PAPPA: variants seen among roughly 807,000 people sequenced by gnomAD.
PAPPA encodes pappalysin 1.
PAPPA carries 60 observed loss-of-function variants against 164.0 expected under a neutral mutation model. That is an observed-to-expected ratio of 0.37 (90% CI 0.30 to 0.45). PAPPA has a LOEUF of 0.45. PAPPA is among the 20% of genes least tolerant of loss of function. PAPPA has a pLI of 1.00. For synonymous variants in PAPPA, 875 were observed against 814.1 expected (o/e 1.07, Z -1.27); for missense variants, 1,782 against 2,087.3 (o/e 0.85, Z 2.85).
At chr9:116,193,505 G>A (rs1260472061) in intron 2 of PAPPA, among the ~76,000 whole-genome samples, 2 of 152,148 alleles carry the variant, frequency 1.3e-5, no homozygotes, top group Non-Finnish European at 2.9e-5. Flanking sequence ...AAGCCCTCAA[G>A]GAGGGGCAGA....
intron 2 of PAPPA, among the ~76,000 whole-genome samples, chr9:116,194,569 C>T (rs80036596): frequency 7.0e-4 from 107 of 152,276 alleles, no homozygotes; most frequent in African/African-American, 1.7e-3. Context: ...ATCTTGGCTC[C>T]GCTCTGCACT....
rs1845395484 is a variant in PAPPA, at chr9:116,289,256, AGCATATATAT to A, written c.2954-13500_2954-13491del. On this transcript the variant is annotated intron_variant, in intron 9 of 21. Coordinates refer to ENST00000328252, the MANE Select transcript of PAPPA (RefSeq NM_002581.5). ...TAGCATATATATATAGCATATATGT[AGCATATATAT>A]ATAGCATATATATAGCATATAAATA... Among the ~76,000 whole-genome samples the A allele has an allele frequency of 4.3e-3, 404 of 94,546 alleles. 6 individuals are homozygous for A. Among genetic ancestry groups the A allele is most frequent in the African/African-American group, 0.015 (382 of 25,458 alleles). 62.0% of individuals were successfully genotyped at this position (94,546 alleles called of 152,430 possible). A position where few individuals can be genotyped will look rare whatever the true frequency, so the allele number is the denominator to read the frequency against.
intron 7 of PAPPA, among the ~76,000 whole-genome samples, chr9:116,259,290 TAC>T (rs1844973329): frequency 6.6e-6 from 1 of 151,758 alleles, no homozygotes; most frequent in African/African-American, 2.4e-5. Flanking sequence ...TTCAACAACA[TAC>T]GAAAAACACA....
chr9:116,285,137 TTTTTCTTTCTTTTTCTTTTTC>T (rs1845317211), intron 9 of PAPPA, among the ~76,000 whole-genome samples: 1 of 150,134 alleles, frequency 6.7e-6, no homozygotes. Flanking sequence ...TTCTTTTTCT[TTTTTCTTTCTTTTTCTTTTTC>T]TTTTCTTTCT....
intron 10 of PAPPA, among the ~76,000 whole-genome samples, chr9:116,320,216 G>A (rs1845836881): frequency 1.3e-5 from 2 of 152,076 alleles, no homozygotes; most frequent in Non-Finnish European, 2.9e-5. Flanking sequence ...TCTGGCCAGG[G>A]GTTTGCACCC....
chr9:116,292,497 GA>G (rs1275208441), intron 9 of PAPPA, among the ~76,000 whole-genome samples: 1 of 152,158 alleles, frequency 6.6e-6, no homozygotes. Context: ...AGGGTGAGCT[GA>G]AAAAAAGTAG....
rs1205710447 is a variant in PAPPA, at chr9:116,265,894, A to G, written c.2770A>G (p.Ile924Val). 1.2e-6 allele frequency: 2 copies of G among 1,611,476 alleles called. No individual in the cohort carries two copies. Among genetic ancestry groups the G allele is most frequent in the Admixed American group, 1.7e-5 (1 of 60,010 alleles). The change falls in exon 8 of 22, where the codon ATA (isoleucine) becomes GTA (valine). Residue 924 changes from isoleucine to valine, a missense_variant. Physicochemically the swap from Ile to Val is conservative, Grantham distance 29. Around this residue, in one of 2 missense-constraint regions of PAPPA, gnomAD observed 1,324 missense variants for 1,656.9 expected, o/e 0.80. Transcript: ENST00000328252. ...NLGSVYQYWV[I>V]TISGTEESEP... Reference sequence around the variant, plus strand: ...TGGCAGTGTGTACCAGTATTGGGTCATAACTATTTCAGGAACTGAAGAGAG... The same window carrying G: ...TGGCAGTGTGTACCAGTATTGGGTCGTAACTATTTCAGGAACTGAAGAGAG...
chr9:116,396,411 T>C (rs1846963608), intron 21 of PAPPA, 98 bp from the exon 22 acceptor site: 1 of 745,176 alleles, frequency 1.3e-6, no homozygotes, highest in Non-Finnish European at 2.5e-6. Flanking sequence ...TTGAACCTTC[T>C]GCTCCTCAAA....
chr9:116,355,781 T>C (rs1846345724), intron 17 of PAPPA, among the ~76,000 whole-genome samples: 1 of 152,244 alleles, frequency 6.6e-6, no homozygotes, highest in Admixed American at 6.5e-5. Context: ...CAAGCAGCTC[T>C]GTTTGGCAAC....
In PAPPA at chr9:116,227,620, G is replaced by C. The variant is rs565183159; in HGVS notation, c.2233+68G>C. On this transcript the variant is annotated intron_variant, in intron 6 of 21. Coordinates refer to ENST00000328252, the MANE Select transcript of PAPPA (RefSeq NM_002581.5). Reference sequence around the variant, plus strand: ...AAAGAACAGCTCTTTCAATGTATATGGGGTTTTATTATTTTTATGGGTCTT... The same window carrying C: ...AAAGAACAGCTCTTTCAATGTATATCGGGTTTTATTATTTTTATGGGTCTT... 1,639 of 1,531,248 alleles carry C rather than the reference G, an allele frequency of 1.1e-3. 5 individuals carry two copies. The highest frequency in any genetic ancestry group is 1.3e-3 in the Admixed American group (63 of 49,362). 94.9% of individuals were successfully genotyped at this position (1,531,248 alleles called of 1,614,324 possible). A position where few individuals can be genotyped will look rare whatever the true frequency, so the allele number is the denominator to read the frequency against.
chr9:116,323,919 A>C (rs974274113), intron 10 of PAPPA, among the ~76,000 whole-genome samples: 2 of 152,154 alleles, frequency 1.3e-5, no homozygotes, highest in Non-Finnish European at 2.9e-5. Flanking sequence ...TGAGCAATTG[A>C]GTCAGTTCTA....
chr9:116,334,730 C>T (rs960755849), intron 12 of PAPPA, 131 bp from the exon 13 acceptor site: 12 of 641,436 alleles, frequency 1.9e-5, no homozygotes, highest in East Asian at 5.5e-5. Context: ...AAATCCTCAC[C>T]GGCCGCCCAA....
intron 1 of PAPPA, among the ~76,000 whole-genome samples, chr9:116,156,602 G>A (rs1843608219): frequency 6.6e-6 from 1 of 151,952 alleles, no homozygotes; most frequent in East Asian, 1.9e-4. Flanking sequence ...AAATAAATAA[G>A]CACTGCTGTC....
intron 9 of PAPPA, among the ~76,000 whole-genome samples, chr9:116,295,053 C>A (rs536553957): frequency 2.0e-5 from 3 of 152,264 alleles, no homozygotes; most frequent in Admixed American, 6.5e-5. Flanking sequence ...GAACTCTCAT[C>A]TCCTCATCTA....
intron 13 of PAPPA, 80 bp from the exon 14 acceptor site, chr9:116,344,463 G>T: frequency 1.4e-6 from 2 of 1,402,880 alleles, no homozygotes; most frequent in South Asian, 1.4e-5. Flanking sequence ...GGAGAAAGAG[G>T]CTCTTAGCCT....
At chr9:116,289,221 CATATATA>C (rs1845393338) in intron 9 of PAPPA, among the ~76,000 whole-genome samples, 1 of 3,288 alleles carries the variant, frequency 3.0e-4, no homozygotes, top group Non-Finnish European at 8.7e-4. Flanking sequence ...ATATATGTAG[CATATATA>C]TATAGCATAT....
At chr9:116,159,958 C>A (rs998680249) in intron 1 of PAPPA, among the ~76,000 whole-genome samples, 6 of 152,186 alleles carry the variant, frequency 3.9e-5, no homozygotes, top group Admixed American at 2.6e-4. Flanking sequence ...TTTGGTCCAG[C>A]ACTTCCCATT....
intron 10 of PAPPA, among the ~76,000 whole-genome samples, chr9:116,328,997 A>G (rs556958583): frequency 6.6e-6 from 1 of 152,372 alleles, no homozygotes; most frequent in Non-Finnish European, 1.5e-5. Context: ...TTGCAACTGC[A>G]GATTATAATG....
At chr9:116,337,506 A>G (rs753946940) in intron 13 of PAPPA, among the ~76,000 whole-genome samples, 5 of 152,276 alleles carry the variant, frequency 3.3e-5, no homozygotes, top group Non-Finnish European at 7.4e-5. Flanking sequence ...AAATAGCATC[A>G]CTTTTTATAA....
Sources: gnomAD v4.1 joint callset for allele counts (sites outside exome capture counted in the v4.1 genomes callset) on GRCh38, gnomAD v4.1.1 for gene constraint, gnomAD v4.1.1 regional missense constraint, MANE v1.5 for transcripts, NCBI Gene and HGNC (gene_info 2026-07-23, HGNC 2026-07-21) for gene names.